Variants in ERC1 observed in about 807,000 individuals in gnomAD.
ERC1 encodes ELKS/RAB6-interacting/CAST family member 1.
In ERC1, 56 loss-of-function variants were observed where a neutral mutation model predicts 132.0. The observed-to-expected ratio is 0.42, with a 90% confidence interval of 0.34 to 0.53. The LOEUF is 0.53. ERC1 is among the 20% of genes least tolerant of loss of function. The pLI, the probability that ERC1 is intolerant of heterozygous loss-of-function variation, is 0.03. For missense variants in ERC1, 1,202 were observed against 1,349.9 expected, an observed-to-expected ratio of 0.89 and a Z score of 1.72; for synonymous variants, 478 against 476.1, an observed-to-expected ratio of 1.00 and a Z score of -0.05.
chr12:1,405,496 G>C (rs1404672346), intron 16 of ERC1, among the ~76,000 whole-genome samples: 1 of 152,030 alleles, frequency 6.6e-6, no homozygotes, highest in East Asian at 1.9e-4. Context: ...ATGAGGTCAG[G>C]AGTTCGAGAC....
At chr12:1,326,075 C>A (rs1394809812) in intron 15 of ERC1, among the ~76,000 whole-genome samples, 1 of 152,082 alleles carries the variant, frequency 6.6e-6, no homozygotes, top group African/African-American at 2.4e-5. Flanking sequence ...TAGTCGTCAT[C>A]CTGGAAATAA....
chr12:1,022,877 C>T (rs1270734846), intron 1 of ERC1, among the ~76,000 whole-genome samples: 1 of 152,134 alleles, frequency 6.6e-6, no homozygotes, highest in Admixed American at 6.5e-5. Flanking sequence ...CTTGGCCTCC[C>T]AAAGTGTTGG....
At chr12:1,080,537 ATC>A (rs1942037189) in intron 2 of ERC1, among the ~76,000 whole-genome samples, 1 of 152,232 alleles carries the variant, frequency 6.6e-6, no homozygotes. Context: ...CTGGAATTGT[ATC>A]TCTCAGAATT....
chr12:1,056,288 T>C (rs1387827270), intron 2 of ERC1, among the ~76,000 whole-genome samples: 1 of 152,196 alleles, frequency 6.6e-6, no homozygotes, highest in Non-Finnish European at 1.5e-5. Flanking sequence ...ATATGAATCC[T>C]TATGAAGAAG....
chr12:1,405,270 A>G (rs1478253599), intron 16 of ERC1, among the ~76,000 whole-genome samples: 1 of 149,708 alleles, frequency 6.7e-6, no homozygotes, highest in East Asian at 1.9e-4. Context: ...GAGAAATTTG[A>G]TTCACAGATA....
intron 18 of ERC1, among the ~76,000 whole-genome samples, chr12:1,472,539 A>G (rs765951180): frequency 2.0e-5 from 3 of 151,834 alleles, no homozygotes; most frequent in Non-Finnish European, 4.4e-5. Context: ...AGTCCCAGCC[A>G]CTCGGGAAGC....
rs78706838 is a variant in ERC1 at position 1,113,819 on chromosome 12, A to G, written c.1401+1521A>G. Among the ~76,000 whole-genome samples, 1,486 of 152,268 alleles carry G rather than the reference A, an allele frequency of 9.8e-3. 10 individuals are homozygous for G. Among genetic ancestry groups the G allele is most frequent in the Non-Finnish European group, 0.017 (1,133 of 68,026 alleles). ...ATAAACAGTACAGTGGCATTCGTAT[A>G]ATTTCTCCTTATTACTAATTAGGAA... is the stretch of plus-strand genomic sequence containing the variant. On this transcript the variant is annotated intron_variant, in intron 6 of 18. Coordinates refer to ENST00000360905, the MANE Select transcript of ERC1 (RefSeq NM_178040.4).
intron 8 of ERC1, among the ~76,000 whole-genome samples, chr12:1,168,373 G>A (rs1481447814): frequency 5.9e-5 from 9 of 151,884 alleles, no homozygotes; most frequent in South Asian, 2.1e-4. Flanking sequence ...ATCTACCCGC[G>A]TCAGCCTTAT....
intron 18 of ERC1, among the ~76,000 whole-genome samples, chr12:1,470,073 A>C (rs2093827477): frequency 6.6e-6 from 1 of 151,706 alleles, no homozygotes; most frequent in African/African-American, 2.4e-5. Flanking sequence ...TCGTCATCTC[A>C]CAAGGGAGTC....
At chr12:1,475,545 T>A (rs899055187) in intron 18 of ERC1, among the ~76,000 whole-genome samples, 1 of 151,986 alleles carries the variant, frequency 6.6e-6, no homozygotes, top group African/African-American at 2.4e-5. Context: ...AAGAAAGATG[T>A]GTAGGAAGTA....
At position 1,444,699 on chromosome 12, in the gene ERC1, C is replaced by T. The variant is rs944958447; in HGVS notation, c.3162C>T (p.Asp1054=). 20 of 1,614,044 alleles carry T rather than the reference C, an allele frequency of 1.2e-5. No homozygotes were observed. The highest frequency in any genetic ancestry group is 8.3e-5 in the Admixed American group (5 of 59,994). The change falls in exon 18 of 19, where the codon GAC becomes GAT. Residue 1054 remains aspartate, a synonymous_variant. Transcript: ENST00000360905. ...CTCCACCAGCTTCCTATAACTTGGACGATGACCAGGCGGCTTGGGAGAATG... is the reference window on the plus strand; with the variant it reads ...CTCCACCAGCTTCCTATAACTTGGATGATGACCAGGCGGCTTGGGAGAATG... The part of the protein sequence containing the change: ...GLTPPASYNL[D]DDQAAWENEL...
intron 15 of ERC1, among the ~76,000 whole-genome samples, chr12:1,298,106 AGAAAG>A (rs894794937): frequency 2.3e-4 from 35 of 152,360 alleles, no homozygotes; most frequent in Admixed American, 9.1e-4. Flanking sequence ...AAAAAAAAGA[AGAAAG>A]GAAAGAGAGA....
intron 15 of ERC1, among the ~76,000 whole-genome samples, chr12:1,356,213 A>AGTGT (rs71055145): frequency 0.063 from 8,240 of 129,884 alleles, 337 homozygotes; most frequent in Non-Finnish European, 0.086. Context: ...AAAAAAAAAA[A>AGTGT]GTGTGTGTGT....
chr12:1,163,697 G>A (rs1952085291), intron 8 of ERC1, among the ~76,000 whole-genome samples: 1 of 151,942 alleles, frequency 6.6e-6, no homozygotes. Flanking sequence ...TGTCTACATG[G>A]TGGTTTTTAT....
At chr12:1,420,364 A>ATTT (rs1434425621) in intron 17 of ERC1, among the ~76,000 whole-genome samples, 1 of 152,216 alleles carries the variant, frequency 6.6e-6, no homozygotes, top group African/African-American at 2.4e-5. Context: ...ACTGACTTAA[A>ATTT]TAATTTCCCA....
chr12:1,231,623 T>C (rs2075044982), intron 12 of ERC1, among the ~76,000 whole-genome samples: 1 of 152,234 alleles, frequency 6.6e-6, no homozygotes, highest in Non-Finnish European at 1.5e-5. Flanking sequence ...CTGTCAGCTT[T>C]TGTTTGTCTG....
chr12:1,210,040 C>A (rs1390756558), intron 12 of ERC1, among the ~76,000 whole-genome samples: 1 of 152,158 alleles, frequency 6.6e-6, no homozygotes, highest in African/African-American at 2.4e-5. Context: ...TTCACTGGCA[C>A]CTGTTGCCTT....
rs745971025 is a variant in ERC1, at chr12:1,028,098, C to T, written c.195C>T (p.Ala65=). The T allele has an allele frequency of 2.2e-5, 35 of 1,614,028 alleles. No homozygotes were observed. In the South Asian group the frequency reaches 3.8e-4, roughly 18 times the overall value. ...AAAATATACAATCTTTAAATGCTGC[C>T]TATGCCACCTCTGGCCCTATGTATC... ...SMENIQSLNA[A]YATSGPMYLS... Residue 65 remains alanine (A), a synonymous_variant, in exon 2 of 19, where the codon GCC becomes GCT. Coordinates refer to ENST00000360905, the MANE Select transcript of ERC1 (RefSeq NM_178040.4).
intron 13 of ERC1, among the ~76,000 whole-genome samples, chr12:1,238,244 A>G (rs1203702892): frequency 2.6e-5 from 4 of 151,612 alleles, no homozygotes; most frequent in South Asian, 2.1e-4. Context: ...CTGATTACCA[A>G]TGACATTGTT....
Sources: allele counts gnomAD v4.1 joint callset (sites outside exome capture counted in the v4.1 genomes callset), GRCh38; gene constraint gnomAD v4.1.1; transcripts MANE v1.5; gene names NCBI Gene and HGNC (gene_info 2026-07-23, HGNC 2026-07-21).